The following ANKRD28 variants were observed in gnomAD, a reference collection of about 807,000 sequenced individuals.
ANKRD28 encodes ankyrin repeat domain 28.
Under a neutral mutation model 126.5 loss-of-function variants are expected in ANKRD28, and 44 were observed. The ratio of observed to expected loss-of-function variants is 0.35; its 90% confidence interval spans 0.27 to 0.45. The LOEUF is 0.45. ANKRD28 is among the 20% of genes least tolerant of loss of function. ANKRD28 has a pLI of 1.00. For synonymous variants in ANKRD28, 442 were observed against 468.5 expected, an observed-to-expected ratio of 0.94 and a Z score of 0.73; for missense variants, 1,110 against 1,316.6, an observed-to-expected ratio of 0.84 and a Z score of 2.43.
At chr3:15,706,765 T>C (rs1044922395) in intron 14 of ANKRD28, among the ~76,000 whole-genome samples, 8 of 152,228 alleles carry the variant, frequency 5.3e-5, no homozygotes, top group Non-Finnish European at 1.2e-4. Context: ...TTTCCTGACT[T>C]TTTAATGATT....
At chr3:15,841,590 A>C (rs899319775) in intron 1 of ANKRD28, among the ~76,000 whole-genome samples, 1 of 152,170 alleles carries the variant, frequency 6.6e-6, no homozygotes, top group Non-Finnish European at 1.5e-5. Context: ...CAGAAAAAAA[A>C]CCTAATAACC....
chr3:15,675,397 G>A (rs2066832836), intron 27 of ANKRD28, among the ~76,000 whole-genome samples: 1 of 152,134 alleles, frequency 6.6e-6, no homozygotes, highest in Non-Finnish European at 1.5e-5. Flanking sequence ...GGAGCAGTGA[G>A]ATTTATAAAT....
intron 2 of ANKRD28, 91 bp from the exon 3 acceptor site, chr3:15,766,403 C>T (rs2058739353): frequency 1.2e-6 from 1 of 866,918 alleles, no homozygotes; most frequent in Non-Finnish European, 1.8e-6. Flanking sequence ...CCCCTCCCCC[C>T]ACCAAACCAT....
chr3:15,785,388 TA>T (rs1216347229), intron 2 of ANKRD28, among the ~76,000 whole-genome samples: 2 of 152,044 alleles, frequency 1.3e-5, no homozygotes, highest in Admixed American at 1.3e-4. Flanking sequence ...CAAACCTGTT[TA>T]AAAAACGGAC....
intron 12 of ANKRD28, 82 bp from the exon 13 acceptor site, chr3:15,709,818 C>A (rs1387780271): frequency 2.4e-6 from 2 of 837,706 alleles, no homozygotes; most frequent in Admixed American, 6.2e-5. Context: ...AGCATGAAAG[C>A]ATGTTTTTAT....
At chr3:15,728,210 G>GA (rs1252109558) in intron 6 of ANKRD28, among the ~76,000 whole-genome samples, 1 of 151,848 alleles carries the variant, frequency 6.6e-6, no homozygotes, top group Non-Finnish European at 1.5e-5. Flanking sequence ...TAATAAAAAA[G>GA]AAAAAACAAA....
In ANKRD28 at chr3:15,677,526, A is replaced by C; in HGVS notation, c.2744T>G (p.Leu915Ter). The C allele has an allele frequency of 6.2e-7, 1 of 1,613,144 alleles. No homozygotes were observed. The highest frequency in any genetic ancestry group is 8.5e-7 in the Non-Finnish European group (1 of 1,179,348). Residue 915 changes from leucine (L) to a stop codon, truncating the protein, a stop_gained, in exon 25 of 28, where the codon TTA (leucine) becomes TGA (stop). Transcript: ENST00000683139. LOFTEE classifies it high-confidence loss of function. ...LVSSASAELT[L>*]QDNSKNTALH... ...GGCAGTATTTTTACTGTTATCTTGT[A>C]AAGTCAGTTCTGCACTAGCACTGCT... is the stretch of plus-strand genomic sequence containing the variant.
chr3:15,670,959 TAAAA>T (rs1380925298), intron 27 of ANKRD28, among the ~76,000 whole-genome samples: 1 of 152,134 alleles, frequency 6.6e-6, no homozygotes, highest in African/African-American at 2.4e-5. Flanking sequence ...TAAGAAAAAA[TAAAA>T]AAATTTAATT....
rs755659001 is a variant in ANKRD28, at chr3:15,712,164, A to T, written c.1249T>A (p.Cys417Ser). The T allele has an allele frequency of 6.3e-7, 1 of 1,582,758 alleles. No individual in the cohort carries two copies. The highest frequency in any genetic ancestry group is 1.2e-5 in the South Asian group (1 of 86,154). The change falls in exon 11 of 28, where the codon TGC becomes AGC. Residue 417 changes from cysteine (C) to serine (S), a missense_variant. Cys to Ser is a moderately radical substitution (Grantham distance 112). Transcript: ENST00000683139. ...HLAALSGFSD[C>S]CRKLLSSGFD... is the part of the protein sequence containing the mutation. ...CCTGAAGAAAGAAGTTTTCTGCAGCAATCTGAAAAGCCGCTTAAGGCTGCC... is the reference window on the plus strand; with the variant it reads ...CCTGAAGAAAGAAGTTTTCTGCAGCTATCTGAAAAGCCGCTTAAGGCTGCC...
intron 16 of ANKRD28, 59 bp from the exon 17 acceptor site, chr3:15,694,872 C>T (rs2069312922): frequency 6.7e-7 from 1 of 1,494,914 alleles, no homozygotes; most frequent in Non-Finnish European, 9.3e-7. Context: ...TTATTCTCTC[C>T]CACCCACCCA....
In ANKRD28 at chr3:15,797,027, A is replaced by G; in HGVS notation, c.-506T>C. ...CCAGTAGCTGTTTTGCTTATAATTG[A>G]AAATAAAAAATAAAATCTCACTATT... On this transcript the variant is annotated 5_prime_UTR_variant, in exon 1 of 28. Transcript: ENST00000683139. 1.0e-6 allele frequency: 1 copy of G among 985,208 alleles called. No individual in the cohort carries two copies. Among genetic ancestry groups the G allele is most frequent in the African/African-American group, 1.7e-5 (1 of 57,316 alleles). 61.0% of individuals were successfully genotyped at this position (985,208 alleles called of 1,614,324 possible).
At chr3:15,732,660 A>T (rs1272942494) in intron 6 of ANKRD28, 2 of 152,256 alleles carry the variant, frequency 1.3e-5, no homozygotes, top group Non-Finnish European at 2.9e-5. Context: ...CAAGTTTGGC[A>T]TATACTTCAT....
chr3:15,825,372 T>A (rs144670497), intron 1 of ANKRD28, among the ~76,000 whole-genome samples: 108 of 152,336 alleles, frequency 7.1e-4, no homozygotes, highest in African/African-American at 2.5e-3. Flanking sequence ...CTCAATGGAA[T>A]ATCAGTGATG....
At chr3:15,855,993 A>G (rs548407277) in intron 1 of ANKRD28, among the ~76,000 whole-genome samples, 2 of 152,290 alleles carry the variant, frequency 1.3e-5, no homozygotes, top group East Asian at 3.9e-4. Context: ...CTAGAAGAAA[A>G]CTGTATTTAA....
intron 1 of ANKRD28, among the ~76,000 whole-genome samples, chr3:15,805,014 C>G (rs2060546252): frequency 6.9e-6 from 1 of 145,344 alleles, no homozygotes; most frequent in Non-Finnish European, 1.5e-5. Flanking sequence ...CACACATGTA[C>G]TTACGTAGCA....
intron 14 of ANKRD28, among the ~76,000 whole-genome samples, chr3:15,697,034 G>A (rs2069688178): frequency 6.6e-6 from 1 of 152,102 alleles, no homozygotes; most frequent in South Asian, 2.1e-4. Flanking sequence ...TATGAAACAA[G>A]TCTATTTAGG....
intron 10 of ANKRD28, among the ~76,000 whole-genome samples, 161 bp downstream of exon 10, chr3:15,713,366 A>G (rs1371050698): frequency 6.6e-6 from 1 of 152,248 alleles, no homozygotes; most frequent in East Asian, 1.9e-4. Flanking sequence ...TTGTATTTAA[A>G]CATTTTAACC....
At chr3:15,735,292 A>C (rs955140260) in intron 6 of ANKRD28, 118 bp downstream of exon 6, 214 of 798,440 alleles carry the variant, frequency 2.7e-4, no homozygotes, top group Non-Finnish European at 3.7e-4. Flanking sequence ...CATCAAACTC[A>C]GATACTGTGT....
At chr3:15,847,163 A>T (rs1297732312) in intron 1 of ANKRD28, among the ~76,000 whole-genome samples, 1 of 152,220 alleles carries the variant, frequency 6.6e-6, no homozygotes, top group Non-Finnish European at 1.5e-5. Flanking sequence ...CAAAGTTAGG[A>T]AACAGTGGCT....
Sources: allele counts gnomAD v4.1 joint callset (sites outside exome capture counted in the v4.1 genomes callset), GRCh38; gene constraint gnomAD v4.1.1; transcripts MANE v1.5; gene names NCBI Gene and HGNC (gene_info 2026-07-23, HGNC 2026-07-21).